Variants in ZPBP observed in about 807,000 individuals in gnomAD.
ZPBP encodes zona pellucida-binding protein 1.
A neutral mutation model predicts 44.8 loss-of-function variants in ZPBP; 26 were observed. That is an observed-to-expected ratio of 0.58 (90% CI 0.43 to 0.81). ZPBP has a LOEUF of 0.81. Among genes scored for constraint, ZPBP ranks in the 30% least tolerant of loss-of-function variants. The pLI is 0.00. For synonymous variants in ZPBP, 174 were observed against 153.2 expected (o/e 1.14, Z -1.00); for missense variants, 409 against 434.0 (o/e 0.94, Z 0.51).
At chr7:49,969,551 T>C (rs1360984735) in intron 7 of ZPBP, among the ~76,000 whole-genome samples, 2 of 147,910 alleles carry the variant, frequency 1.4e-5, no homozygotes, top group East Asian at 2.0e-4. Flanking sequence ...TTCCAATTCA[T>C]GCAGAAGAGA....
intron 1 of ZPBP, among the ~76,000 whole-genome samples, chr7:49,909,784 A>G (rs1450907738): frequency 6.6e-6 from 1 of 152,172 alleles, no homozygotes; most frequent in African/African-American, 2.4e-5. Flanking sequence ...ACCTTAGGGC[A>G]GTGTCTGAAC....
At chr7:49,939,263 A>C (rs1489044400) in intron 7 of ZPBP, among the ~76,000 whole-genome samples, 2 of 152,206 alleles carry the variant, frequency 1.3e-5, no homozygotes, top group African/African-American at 4.8e-5. Flanking sequence ...CTTTACACAT[A>C]TGCTTTATAT....
intron 6 of ZPBP, among the ~76,000 whole-genome samples, chr7:50,004,610 A>C (rs1386265296): frequency 6.6e-6 from 1 of 152,132 alleles, no homozygotes; most frequent in African/African-American, 2.4e-5. Context: ...GAAATAATAA[A>C]ACCAAACAGA....
In ZPBP at chr7:49,956,378, C is replaced by T. The variant is rs191798188; in HGVS notation, c.962-18756G>A. On this transcript the variant is annotated intron_variant, in intron 7 of 7. Coordinates refer to ENST00000046087, the MANE Select transcript of ZPBP (RefSeq NM_007009.3). Reference sequence around the variant, plus strand: ...AAATGGAAATTTCTAAATATCAATGCCCTCATTGAAAATTTCAAGAAATCT... The same window carrying T: ...AAATGGAAATTTCTAAATATCAATGTCCTCATTGAAAATTTCAAGAAATCT... 3.0e-3 allele frequency among the ~76,000 whole-genome samples: 462 copies of T among 151,880 alleles called. 4 individuals are homozygous for T. Among genetic ancestry groups the T allele is most frequent in the South Asian group, 4.6e-3 (22 of 4,812 alleles).
chr7:49,870,099 A>G (rs1323660579), intron 2 of ZPBP, among the ~76,000 whole-genome samples: 1 of 152,154 alleles, frequency 6.6e-6, no homozygotes, highest in Non-Finnish European at 1.5e-5. Context: ...ACACAAGGAA[A>G]CCTGGAGTGA....
chr7:50,037,775 C>A (rs1244734555), intron 4 of ZPBP, among the ~76,000 whole-genome samples: 1 of 152,170 alleles, frequency 6.6e-6, no homozygotes, highest in African/African-American at 2.4e-5. Flanking sequence ...CTCCCTTCCT[C>A]CCTCCCCTCA....
intron 1 of ZPBP, among the ~76,000 whole-genome samples, chr7:50,090,277 A>G (rs190611344): frequency 4.6e-5 from 7 of 152,004 alleles, no homozygotes; most frequent in Admixed American, 3.3e-4. Context: ...GAGTCCCCAA[A>G]GACCATTGTA....
chr7:49,981,857 A>C (rs1178426091), intron 7 of ZPBP, among the ~76,000 whole-genome samples: 1 of 36,478 alleles, frequency 2.7e-5, no homozygotes, highest in Non-Finnish European at 4.4e-5. Flanking sequence ...AATTATATGA[A>C]TTATATAGAT....
At chr7:49,876,919 C>T (rs1791436708) in intron 2 of ZPBP, among the ~76,000 whole-genome samples, 1 of 151,906 alleles carries the variant, frequency 6.6e-6, no homozygotes, top group Non-Finnish European at 1.5e-5. Flanking sequence ...CCTTTTGATG[C>T]ACTCCTGTCA....
At chr7:50,007,307 T>G (rs1317319641) in intron 6 of ZPBP, among the ~76,000 whole-genome samples, 2 of 152,018 alleles carry the variant, frequency 1.3e-5, no homozygotes, top group African/African-American at 4.8e-5. Flanking sequence ...GACAAAGTCC[T>G]AGAAACATAC....
intron 7 of ZPBP, among the ~76,000 whole-genome samples, chr7:49,955,548 C>T (rs1309807002): frequency 6.6e-6 from 1 of 151,656 alleles, no homozygotes; most frequent in Non-Finnish European, 1.5e-5. Context: ...GAGAGCGAGA[C>T]TCTGTCTCAA....
intron 6 of ZPBP, among the ~76,000 whole-genome samples, chr7:50,013,654 T>C (rs1160045693): frequency 6.6e-6 from 1 of 152,070 alleles, no homozygotes; most frequent in Non-Finnish European, 1.5e-5. Flanking sequence ...AATTAAAATC[T>C]TTTTTTAATA....
intron 2 of ZPBP, among the ~76,000 whole-genome samples, chr7:49,863,828 C>T (rs1790769122): frequency 6.6e-6 from 1 of 152,136 alleles, no homozygotes; most frequent in South Asian, 2.1e-4. Flanking sequence ...TTTACTCATT[C>T]TTTTAGGTGT....
At chr7:49,897,333 A>T (rs1331097079) in intron 2 of ZPBP, among the ~76,000 whole-genome samples, 1 of 152,234 alleles carries the variant, frequency 6.6e-6, no homozygotes, top group Non-Finnish European at 1.5e-5. Flanking sequence ...ACCAAAACCA[A>T]AGACAGTGAA....
intron 2 of ZPBP, among the ~76,000 whole-genome samples, chr7:49,852,209 A>T (rs1790208070): frequency 6.6e-6 from 1 of 152,180 alleles, no homozygotes; most frequent in Admixed American, 6.5e-5. Flanking sequence ...CATGGCCTGC[A>T]TCAAAAGTCC....
intron 5 of ZPBP, among the ~76,000 whole-genome samples, chr7:50,025,715 C>A (rs1245181515): frequency 6.6e-6 from 1 of 151,696 alleles, no homozygotes. Context: ...TTGTTAATGA[C>A]TTTTTACATA....
chr7:50,042,554 T>A (rs1800147988), intron 4 of ZPBP, among the ~76,000 whole-genome samples: 1 of 152,150 alleles, frequency 6.6e-6, no homozygotes, highest in Non-Finnish European at 1.5e-5. Flanking sequence ...CAAAATTTCA[T>A]ATCCAGGCAA....
chr7:49,936,764 T>A (rs1019417785), downstream of ZPBP, among the ~76,000 whole-genome samples: 6 of 152,226 alleles, frequency 3.9e-5, no homozygotes, highest in Non-Finnish European at 7.3e-5. Flanking sequence ...GTAATTAATA[T>A]CTGTTATATA....
chr7:49,974,246 C>A (rs1796410491), intron 7 of ZPBP, among the ~76,000 whole-genome samples: 1 of 152,012 alleles, frequency 6.6e-6, no homozygotes, highest in Admixed American at 6.5e-5. Flanking sequence ...AATGTACTTA[C>A]CACTACTGAA....
Sources: gnomAD v4.1 joint callset for allele counts (sites outside exome capture counted in the v4.1 genomes callset) on GRCh38, gnomAD v4.1.1 for gene constraint, MANE v1.5 for transcripts, NCBI Gene and HGNC (gene_info 2026-07-23, HGNC 2026-07-21) for gene names.